The following ANK1 variants were observed in gnomAD, a reference collection of about 807,000 sequenced individuals.
The protein encoded by ANK1 is ankyrin-1.
ANK1 carries 51 observed loss-of-function variants against 210.4 expected under a neutral mutation model. The ratio of observed to expected loss-of-function variants is 0.24; its 90% CI spans 0.19 to 0.31. The LOEUF is 0.31. Ranked by LOEUF, ANK1 falls within the 10% of genes least tolerant of loss-of-function variation. ANK1 has a pLI of 1.00. For synonymous variants in ANK1, 967 were observed against 1,025.9 expected (o/e 0.94, Z 1.10); for missense variants, 2,051 against 2,504.4 (o/e 0.82, Z 3.86).
chr8:41,789,327 G>A (rs916967606), intron 1 of ANK1: 10 of 152,214 alleles, frequency 6.6e-5, no homozygotes, highest in Admixed American at 1.3e-4. Context: ...TATAATCACC[G>A]ACTTTTCCCA....
intron 6 of ANK1, 118 bp downstream of exon 6, chr8:41,725,643 C>A (rs1830486649): frequency 7.2e-7 from 1 of 1,395,888 alleles, no homozygotes; most frequent in African/African-American, 1.4e-5. Flanking sequence ...GCGCTCAGTG[C>A]GCACTGCCCG....
Position 41,723,600 on chromosome 8 carries a change from T to G in ANK1, c.745A>C (p.Arg249=). The G allele has an allele frequency of 1.2e-6, 2 of 1,613,694 alleles. No individual in the cohort carries two copies. The highest frequency in any genetic ancestry group is 1.7e-6 in the Non-Finnish European group (2 of 1,179,904). ...AGCCGCACCATGATCACGTTGCCCC[T>G]GCGGGAGGCGATGTGCAGTGGCGTG... ...GITPLHIASR[R]GNVIMVRLLL... is the part of the protein sequence containing the mutation. Residue 249 remains arginine, a synonymous_variant, in exon 8 of 43, where the codon AGG becomes CGG. Coordinates refer to ENST00000289734, the MANE Select transcript of ANK1 (RefSeq NM_000037.4).
intron 1 of ANK1, among the ~76,000 whole-genome samples, chr8:41,764,078 G>A (rs1310398835): frequency 1.3e-5 from 2 of 151,684 alleles, no homozygotes; most frequent in Non-Finnish European, 2.9e-5. Context: ...TATCCTGCTA[G>A]GGCAAAGAGA....
At chr8:41,792,474 A>G (rs1165390145) in intron 1 of ANK1, among the ~76,000 whole-genome samples, 1 of 152,250 alleles carries the variant, frequency 6.6e-6, no homozygotes, top group African/African-American at 2.4e-5. Context: ...GCAGGAGCTC[A>G]GACTCATTCA....
intron 2 of ANK1, among the ~76,000 whole-genome samples, chr8:41,747,989 T>A (rs1179670695): frequency 2.0e-5 from 3 of 152,182 alleles, no homozygotes; most frequent in African/African-American, 7.2e-5. Flanking sequence ...GTACAGAGGC[T>A]TGGGCTGGGT....
rs1162104983 is a variant in ANK1, at chr8:41,727,952, G to A, written c.283C>T (p.Arg95Trp). 1.2e-6 allele frequency: 2 copies of A among 1,614,138 alleles called. No individual in the cohort carries two copies. The highest frequency in any genetic ancestry group is 1.7e-6 in the Non-Finnish European group (2 of 1,180,028). Residue 95 changes from arginine (R) to tryptophan (W), a missense_variant, in exon 4 of 43, where the codon CGG (arginine) becomes TGG (tryptophan). Coordinates refer to ENST00000289734, the MANE Select transcript of ANK1 (RefSeq NM_000037.4). ...AALAGQDEVV[R>W]ELVNYGANVN... ...TTGGCTCCATAGTTGACAAGCTCCC[G>A]GACCACCTCATCCTGCCCGGCTAGA...
At chr8:41,673,521 T>C (rs554605940) in intron 37 of ANK1, among the ~76,000 whole-genome samples, 1 of 152,280 alleles carries the variant, frequency 6.6e-6, no homozygotes, top group South Asian at 2.1e-4. Flanking sequence ...GGCATCACTT[T>C]CCTCAAGTTG....
chr8:41,840,096 G>T (rs751914687), intron 1 of ANK1: 1 of 151,730 alleles, frequency 6.6e-6, no homozygotes, highest in Non-Finnish European at 1.5e-5. Context: ...AGGCTGGAGC[G>T]CAGTGGCTAT....
At chr8:41,896,728 C>A (rs1360213991) in exon 1 of ANK1, 2 of 212,918 alleles carry the variant, frequency 9.4e-6, no homozygotes, top group Non-Finnish European at 1.7e-5. Flanking sequence ...TTGCCGGCGC[C>A]CGGGACGGGC....
chr8:41,734,344 T>C (rs903055721), intron 2 of ANK1, among the ~76,000 whole-genome samples: 3 of 152,204 alleles, frequency 2.0e-5, no homozygotes, highest in Non-Finnish European at 4.4e-5. Context: ...ACAACACCCA[T>C]GGTGACCTTG....
At chr8:41,893,814 A>C (rs563752739) in intron 1 of ANK1, among the ~76,000 whole-genome samples, 1 of 152,240 alleles carries the variant, frequency 6.6e-6, no homozygotes, top group Non-Finnish European at 1.5e-5. Context: ...CTGTGTGAGC[A>C]GCTGTAAAGT....
chr8:41,877,735 G>A lies in ANK1; in HGVS notation c.126+18620C>T, dbSNP rs185438235. ...GGAGCCAGGCGGGGGCGAAGTGGTCGCTGGAGAGCAGTCGTCTGGGCAGTC... is the reference window on the plus strand; with the variant it reads ...GGAGCCAGGCGGGGGCGAAGTGGTCACTGGAGAGCAGTCGTCTGGGCAGTC... On this transcript the variant is annotated intron_variant, in intron 1 of 42. Coordinates refer to the ANK1 transcript ENST00000265709. Among the ~76,000 whole-genome samples, 48 of 152,334 alleles carry A rather than the reference G, an allele frequency of 3.2e-4. 2 individuals are homozygous for A. Among genetic ancestry groups the A allele is most frequent in the Admixed American group, 2.7e-3 (41 of 15,300 alleles).
chr8:41,772,665 C>A (rs1008586545), intron 1 of ANK1, among the ~76,000 whole-genome samples: 1 of 152,242 alleles, frequency 6.6e-6, no homozygotes, highest in East Asian at 1.9e-4. Context: ...ATATTCTCTG[C>A]AGCAAAGAAA....
intron 2 of ANK1, among the ~76,000 whole-genome samples, chr8:41,737,529 C>T (rs997189561): frequency 4.6e-5 from 7 of 152,188 alleles, no homozygotes; most frequent in African/African-American, 7.2e-5. Context: ...GAGTAAGACC[C>T]TCGCCATGCA....
chr8:41,706,154 C>A lies in ANK1; in HGVS notation c.2086G>T (p.Ala696Ser). 6.2e-7 allele frequency: 1 copy of A among 1,613,888 alleles called. No homozygotes were observed. Among genetic ancestry groups the A allele is most frequent in the Non-Finnish European group, 8.5e-7 (1 of 1,179,852 alleles). ...VLIKHGVMVD[A>S]TTRMGYTPLH... is the part of the protein sequence containing the mutation. Reference sequence around the variant, plus strand: ...GCTGCCTGCCTTACCCGGGTGGTGGCGTCCACCATGACGCCGTGTTTGATC... The same window carrying A: ...GCTGCCTGCCTTACCCGGGTGGTGGAGTCCACCATGACGCCGTGTTTGATC... Residue 696 changes from alanine to serine, a missense_variant, in exon 18 of 43, where the codon GCC becomes TCC. Ala to Ser is a moderately conservative substitution (Grantham distance 99). This residue lies in a region of ANK1 where 1,413 missense variants were observed against 1,707.4 expected (regional missense o/e 0.83). Transcript: ENST00000289734.
At chr8:41,868,295 A>G (rs1171168947) in intron 1 of ANK1, among the ~76,000 whole-genome samples, 2 of 152,156 alleles carry the variant, frequency 1.3e-5, no homozygotes, top group Non-Finnish European at 2.9e-5. Flanking sequence ...GGTGTTCGGT[A>G]TCTCTGGCCT....
At chr8:41,894,663 C>T (rs1309660132) in intron 1 of ANK1, among the ~76,000 whole-genome samples, 1 of 152,044 alleles carries the variant, frequency 6.6e-6, no homozygotes, top group Admixed American at 6.5e-5. Context: ...GTGAGCAGCT[C>T]GGAGAGGAGC....
chr8:41,890,004 A>G (rs1819119267), intron 1 of ANK1, among the ~76,000 whole-genome samples: 1 of 152,260 alleles, frequency 6.6e-6, no homozygotes, highest in Admixed American at 6.5e-5. Context: ...CAGTACTGAA[A>G]GAATAACAAG....
chr8:41,656,259 G>A (rs778336192), intron 42 of ANK1, among the ~76,000 whole-genome samples: 46 of 152,224 alleles, frequency 3.0e-4, no homozygotes, highest in Non-Finnish European at 5.7e-4. Context: ...TCCGCCATGC[G>A]CCAGCCTTGG....
Sources: allele counts gnomAD v4.1 joint callset (sites outside exome capture counted in the v4.1 genomes callset), GRCh38; gene constraint gnomAD v4.1.1; regional missense constraint gnomAD v4.1.1; transcripts MANE v1.5; gene names NCBI Gene and HGNC (gene_info 2026-07-23, HGNC 2026-07-21).